Variants in ZFHX3 observed in about 807,000 individuals in gnomAD.
The protein encoded by ZFHX3 is zinc finger homeobox 3, also known as zinc finger homeobox protein 3.
Under a neutral mutation model 279.1 loss-of-function variants are expected in ZFHX3, and 42 were observed. The ratio of observed to expected loss-of-function variants is 0.15; its 90% CI spans 0.12 to 0.19. The LOEUF is 0.19. ZFHX3 is among the 10% of genes least tolerant of loss of function. ZFHX3 has a pLI of 1.00. For synonymous variants in ZFHX3, 2,293 were observed against 1,957.8 expected (o/e 1.17, Z -4.52); for missense variants, 4,981 against 4,754.0 (o/e 1.05, Z -1.40).
In ZFHX3 at chr16:73,029,049, A is replaced by G. The variant is rs151168197; in HGVS notation, c.-50+18703T>C. On this transcript the variant is annotated intron_variant, in intron 1 of 9. Transcript: ENST00000268489. ...CTTCTTCACTCACTCAGCCCAGGGG[A>G]GCCAAGTGCACCTTCCTCAAGCCCA... Among the ~76,000 whole-genome samples, 360 of 152,222 alleles carry G rather than the reference A, an allele frequency of 2.4e-3. 1 individual carries two copies. The highest frequency in any genetic ancestry group is 8.2e-3 in the African/African-American group (341 of 41,524).
chr16:73,664,713 C>G (rs1192065036), intron 2 of ZFHX3, among the ~76,000 whole-genome samples: 1 of 152,160 alleles, frequency 6.6e-6, no homozygotes, highest in Non-Finnish European at 1.5e-5. Context: ...TAAAAACACT[C>G]CTTTGGAAGA....
chr16:72,894,371 T>G (rs944287872), intron 3 of ZFHX3, among the ~76,000 whole-genome samples: 2 of 152,196 alleles, frequency 1.3e-5, no homozygotes, highest in African/African-American at 4.8e-5. Flanking sequence ...TCCTGACCTC[T>G]GTGACCTTCT....
In ZFHX3 at chr16:72,959,746, C is replaced by A. The variant is rs534933332; in HGVS notation, c.400G>T (p.Val134Phe). Residue 134 changes from valine (V) to phenylalanine (F), a missense_variant, in exon 2 of 10, where the codon GTC becomes TTC. By Grantham distance (50) the Val-to-Phe change is conservative (BLOSUM62 -1). Transcript: ENST00000268489. ...TACGCGGAGCCGTCCGGCTGGTAGA[C>A]GATCTCCCCGGCCAGGTTCTCCACG... ...SDVENLAGEI[V>F]YQPDGSAYIV... is the part of the protein sequence containing the mutation. The A allele has an allele frequency of 6.2e-7, 1 of 1,611,322 alleles. No homozygotes were observed. Among genetic ancestry groups the A allele is most frequent in the Non-Finnish European group, 8.5e-7 (1 of 1,178,352 alleles).
chr16:73,817,124 C>T (rs951602991), intron 1 of ZFHX3, among the ~76,000 whole-genome samples: 5 of 152,098 alleles, frequency 3.3e-5, no homozygotes, highest in African/African-American at 9.7e-5. Flanking sequence ...GGGCTTCCAC[C>T]CTGGGTGACC....
Position 73,680,179 on chromosome 16 carries a change from C to T in ZFHX3, c.-1547+1G>A, listed in dbSNP as rs1240487632. The T allele has an allele frequency of 2.6e-5, 4 of 151,930 alleles. No individual in the cohort carries two copies. In the East Asian group the frequency reaches 7.7e-4, roughly 29 times the overall value. The allele number at this position is 151,930 out of a possible 1,614,324, so 9.4% of individuals were successfully genotyped here. A position where few individuals can be genotyped will look rare whatever the true frequency, so the allele number is the denominator to read the frequency against. On this transcript the variant is annotated splice_donor_variant, in intron 2 of 17. Transcript: ENST00000641206. LOFTEE classifies it low-confidence loss of function (5UTR_SPLICE). The stretch of plus-strand genomic sequence containing the variant: ...AAACAAATTGGAACGCTTCTACATA[C>T]CAAAGTAAAATTTCTTCGACTTATT...
chr16:73,376,409 T>C (rs973949114), intron 3 of ZFHX3, among the ~76,000 whole-genome samples: 3 of 152,226 alleles, frequency 2.0e-5, no homozygotes, highest in African/African-American at 4.8e-5. Flanking sequence ...TTCACTCAGC[T>C]CGTCCGTAGA....
chr16:72,864,852 C>T lies in ZFHX3; in HGVS notation c.3448+24879G>A, dbSNP rs142660633. Among the ~76,000 whole-genome samples the T allele has an allele frequency of 4.0e-3, 612 of 152,260 alleles. 1 individual carries two copies. The highest frequency in any genetic ancestry group is 8.5e-3 in the South Asian group (41 of 4,820). On this transcript the variant is annotated intron_variant, in intron 4 of 9. Transcript: ENST00000268489. Reference sequence around the variant, plus strand: ...TTAGAGTTTTGAAGATGATGCCTAGCGCAATCTAATGGAAGTGTTGTTCAA... The same window carrying T: ...TTAGAGTTTTGAAGATGATGCCTAGTGCAATCTAATGGAAGTGTTGTTCAA...
chr16:73,120,683 C>T (rs1966487022), intron 7 of ZFHX3, among the ~76,000 whole-genome samples: 1 of 114,576 alleles, frequency 8.7e-6, no homozygotes, highest in African/African-American at 3.4e-5. Context: ...GAGACAGAAT[C>T]TCGCTCTGTC....
At chr16:73,357,392 T>G (rs1475300415) in intron 3 of ZFHX3, among the ~76,000 whole-genome samples, 1 of 150,520 alleles carries the variant, frequency 6.6e-6, no homozygotes, top group South Asian at 2.1e-4. Flanking sequence ...TAACGTCTTC[T>G]GGGAGCAAAC....
intron 2 of ZFHX3, among the ~76,000 whole-genome samples, chr16:73,649,514 A>G (rs2052651230): frequency 6.6e-6 from 1 of 152,198 alleles, no homozygotes; most frequent in Non-Finnish European, 1.5e-5. Flanking sequence ...GATTATAGGT[A>G]TTCTCTGGTC....
intron 4 of ZFHX3, among the ~76,000 whole-genome samples, chr16:73,257,939 G>T (rs957700456): frequency 6.6e-6 from 1 of 152,174 alleles, no homozygotes; most frequent in African/African-American, 2.4e-5. Context: ...TTTTTTGGGT[G>T]TGTGGGCTGT....
intron 8 of ZFHX3, 72 bp from the exon 9 acceptor site, chr16:72,798,786 G>T: frequency 1.3e-6 from 2 of 1,490,784 alleles, no homozygotes; most frequent in Admixed American, 2.4e-5. Context: ...ACCCAGAGCG[G>T]TCTACCTAGT....
intron 1 of ZFHX3, among the ~76,000 whole-genome samples, chr16:73,788,866 C>A (rs149057249): frequency 6.6e-6 from 1 of 151,646 alleles, no homozygotes; most frequent in East Asian, 1.9e-4. Flanking sequence ...CCCAGCTACT[C>A]GGGAGGCTGA....
At chr16:73,374,366 G>A (rs1280587293) in intron 3 of ZFHX3, among the ~76,000 whole-genome samples, 1 of 31,798 alleles carries the variant, frequency 3.1e-5, no homozygotes, top group Non-Finnish European at 1.7e-4. Context: ...GGCCATTCAA[G>A]GCCAGGCTTG....
intron 1 of ZFHX3, among the ~76,000 whole-genome samples, chr16:73,760,661 T>C (rs2053854479): frequency 6.6e-6 from 1 of 152,232 alleles, no homozygotes; most frequent in African/African-American, 2.4e-5. Context: ...GATGCAAGGC[T>C]GGTTCAAGAT....
At chr16:73,541,541 C>T (rs1049020555) in intron 2 of ZFHX3, among the ~76,000 whole-genome samples, 1 of 151,996 alleles carries the variant, frequency 6.6e-6, no homozygotes, top group African/African-American at 2.4e-5. Context: ...ATCAAACACA[C>T]AAAACTAGGA....
Position 72,788,536 on chromosome 16 carries a change from T to C in ZFHX3, c.9740A>G (p.His3247Arg), listed in dbSNP as rs2035557493. 1.9e-6 allele frequency: 3 copies of C among 1,614,164 alleles called. No homozygotes were observed. In the South Asian group the frequency reaches 3.3e-5, roughly 18 times the overall value. The change falls in exon 10 of 10, where the codon CAC (histidine) becomes CGC (arginine). Residue 3247 changes from histidine (H) to arginine (R), a missense_variant. His to Arg is a conservative substitution (Grantham distance 29, BLOSUM62 0). Around this residue, in one of 7 missense-constraint regions of ZFHX3, gnomAD observed 1,034 missense variants for 786.0 expected, o/e 1.32. Coordinates refer to ENST00000268489, the MANE Select transcript of ZFHX3 (RefSeq NM_006885.4). ...AGGCAGGGGTTCCCCTTTCCCTTTG[T>C]GTGCCTTTTCCTTCTCCTTTACTTT... ...SEKVKEKEKAHKGKGEPLPVP... is the reference protein window; with the variant it reads ...SEKVKEKEKARKGKGEPLPVP...
intron 9 of ZFHX3, among the ~76,000 whole-genome samples, chr16:72,792,348 G>A (rs1340018690): frequency 6.6e-6 from 1 of 152,144 alleles, no homozygotes; most frequent in Non-Finnish European, 1.5e-5. Context: ...CAAGATTCCT[G>A]GTCAGTGCAC....
Position 73,359,095 on chromosome 16 carries a change from G to T in ZFHX3, c.-1290-40759C>A, listed in dbSNP as rs555211073. Among the ~76,000 whole-genome samples the T allele has an allele frequency of 9.9e-5, 15 of 152,016 alleles. 1 individual carries two copies. The South Asian group carries it at 2.7e-3, about 27-fold the overall frequency. On this transcript the variant is annotated intron_variant, in intron 3 of 17. Transcript: ENST00000641206. ...GCTTTCTGCCTAGGGAGACGCCACA[G>T]CTCATAAAGGAAGATCATACAAGGT...
Sources: allele counts gnomAD v4.1 joint callset (sites outside exome capture counted in the v4.1 genomes callset), GRCh38; gene constraint gnomAD v4.1.1; regional missense constraint gnomAD v4.1.1; transcripts MANE v1.5; gene names NCBI Gene and HGNC (gene_info 2026-07-23, HGNC 2026-07-21).